PLEKHG4B: variants seen among roughly 807,000 people sequenced by gnomAD.
The protein encoded by PLEKHG4B is pleckstrin homology and RhoGEF domain containing G4B.
Under a neutral mutation model 121.3 loss-of-function variants are expected in PLEKHG4B, and 111 were observed. The observed-to-expected ratio is 0.92, with a 90% CI of 0.78 to 1.07. The LOEUF is 1.07. PLEKHG4B is among the 50% of genes least tolerant of loss of function. The probability of loss-of-function intolerance (pLI) is 0.00; values close to 1 mark genes in which losing one functional copy is unlikely to be tolerated. For synonymous variants in PLEKHG4B, 738 were observed against 725.0 expected (o/e 1.02, Z -0.29); for missense variants, 1,831 against 1,757.8 (o/e 1.04, Z -0.74).
At chr5:133,180 A>G (rs11739858) in intron 2 of PLEKHG4B, among the ~76,000 whole-genome samples, 28,645 of 152,090 alleles carry the variant, frequency 0.19, 3,760 homozygotes, top group African/African-American at 0.37. Flanking sequence ...TTCTTAATTC[A>G]ATTCTCAGCT....
chr5:138,552 T>C (rs1735052447), intron 2 of PLEKHG4B, among the ~76,000 whole-genome samples: 1 of 152,232 alleles, frequency 6.6e-6, no homozygotes, highest in Non-Finnish European at 1.5e-5. Context: ...CGCATTTTTA[T>C]TGCCATTCTG....
At chr5:99,586 T>C (rs1733742622) in intron 1 of PLEKHG4B, among the ~76,000 whole-genome samples, 1 of 152,130 alleles carries the variant, frequency 6.6e-6, no homozygotes, top group South Asian at 2.1e-4. Context: ...TGTGTGTTGT[T>C]CTTGTACCCT....
chr5:98,199 G>C lies in PLEKHG4B; in HGVS notation c.45+5923G>C, dbSNP rs372919712. The stretch of plus-strand genomic sequence containing the variant: ...TTTATGGTTTTAGGTCTTGTGTTTA[G>C]GTTGCTGATCCATTTTTAGTTAACT... On this transcript the variant is annotated intron_variant, in intron 1 of 19. Transcript: ENST00000637938. Among the ~76,000 whole-genome samples the C allele has an allele frequency of 2.6e-5, 4 of 152,148 alleles. No homozygotes were observed. The East Asian group carries it at 7.7e-4, about 29-fold the overall frequency.
chr5:173,883 C>T (rs776972722), intron 17 of PLEKHG4B, 35 bp from the exon 18 acceptor site: 4 of 1,602,018 alleles, frequency 2.5e-6, no homozygotes, highest in Non-Finnish European at 3.4e-6. Context: ...GACCATGTTC[C>T]TGATGGTGCT....
At chr5:158,339 G>T (rs1735866614) in intron 11 of PLEKHG4B, among the ~76,000 whole-genome samples, 1 of 129,186 alleles carries the variant, frequency 7.7e-6, no homozygotes, top group Non-Finnish European at 1.6e-5. Context: ...CATCCTGGGG[G>T]TCTCCTCCAT....
At position 155,086 on chromosome 5, in the gene PLEKHG4B, TC is replaced by T. The variant is rs145569170; in HGVS notation, c.2109+98del. On this transcript the variant is annotated intron_variant, in intron 8 of 19. Transcript: ENST00000637938. ...CTAGAATTTGAAAAGGGCATCACCG[TC>T]CCTGATCTGATGCTTGTTACAGTCG... 4 of 1,071,650 alleles carry T rather than the reference TC, an allele frequency of 3.7e-6. No homozygotes were observed. The African/African-American group carries it at 4.7e-5, about 12-fold the overall frequency. The allele number at this position is 1,071,650 out of a possible 1,614,324, so 66.4% of individuals were successfully genotyped here. A position where few individuals can be genotyped will look rare whatever the true frequency, so the allele number is the denominator to read the frequency against.
At chr5:154,075 G>A (rs1219360646) in intron 7 of PLEKHG4B, among the ~76,000 whole-genome samples, 2 of 151,680 alleles carry the variant, frequency 1.3e-5, no homozygotes, top group African/African-American at 4.8e-5. Context: ...GCATGATCTC[G>A]GCCCACAGCA....
In PLEKHG4B at chr5:183,272, T is replaced by A. The variant is rs1733483614; in HGVS notation, c.*949T>A. On this transcript the variant is annotated 3_prime_UTR_variant, in exon 20 of 20. Coordinates refer to ENST00000637938, the MANE Select transcript of PLEKHG4B (RefSeq NM_052909.5). The stretch of plus-strand genomic sequence containing the variant: ...AACAAAGCTCCAGATGATCTAGGGG[T>A]TACCAAAGTGTCCACACCCTGCAAG... 1 of 152,052 alleles carries A rather than the reference T, an allele frequency of 6.6e-6. No individual in the cohort carries two copies. The highest frequency in any genetic ancestry group is 2.4e-5 in the African/African-American group (1 of 41,370). The allele number at this position is 152,052 out of a possible 1,614,324, so 9.4% of individuals were successfully genotyped here.
In PLEKHG4B at chr5:164,455, T is replaced by TCA. The variant is rs200485537; in HGVS notation, c.3476+910_3476+911dup. Among the ~76,000 whole-genome samples, 969 of 122,992 alleles carry TCA rather than the reference T, an allele frequency of 7.9e-3. 10 individuals are homozygous for TCA. The highest frequency in any genetic ancestry group is 0.042 in the African/African-American group (925 of 22,058). 80.7% of individuals were successfully genotyped at this position (122,992 alleles called of 152,430 possible). ...GTAATGCTGTGACAGGGGGCGGGGC[T>TCA]CACAGTAATGTTGTGACGGAGCAGA... On this transcript the variant is annotated intron_variant, in intron 13 of 19. Transcript: ENST00000637938.
intron 1 of PLEKHG4B, among the ~76,000 whole-genome samples, chr5:109,163 C>T (rs938938724): frequency 3.9e-5 from 6 of 152,128 alleles, no homozygotes; most frequent in African/African-American, 4.8e-5. Flanking sequence ...TTGCTTTTTG[C>T]AGGGAAATCA....
chr5:142,793 G>A (rs975222288), intron 3 of PLEKHG4B, among the ~76,000 whole-genome samples: 7 of 152,236 alleles, frequency 4.6e-5, no homozygotes, highest in South Asian at 2.1e-4. Context: ...CTCCTGAGGC[G>A]TCTGCAGGTA....
At chr5:163,673 C>A (rs1443767682) in intron 13 of PLEKHG4B, 125 bp downstream of exon 13, 1 of 819,400 alleles carries the variant, frequency 1.2e-6, no homozygotes, top group Non-Finnish European at 1.9e-6. Flanking sequence ...CCTCTGGGTC[C>A]ACCTGTCCGG....
At chr5:133,517 C>T (rs1383906317) in intron 2 of PLEKHG4B, among the ~76,000 whole-genome samples, 1 of 151,926 alleles carries the variant, frequency 6.6e-6, no homozygotes, top group Non-Finnish European at 1.5e-5. Context: ...AGATGACCAA[C>T]AAATATATGA....
Position 113,497 on chromosome 5 carries a change from C to A in PLEKHG4B, c.243+49C>A. ...GAGACCGTGGCCAACCTGGAGGAAC[C>A]TGCCCTTTCCCTGGGCAGGGCAGGA... On this transcript the variant is annotated intron_variant, in intron 2 of 19. Coordinates refer to ENST00000637938, the MANE Select transcript of PLEKHG4B (RefSeq NM_052909.5). The surrounding 1 kb of genome is among the most constrained non-coding windows in gnomAD (Gnocchi z 5.2). The A allele has an allele frequency of 2.5e-6, 1 of 398,982 alleles. No individual in the cohort carries two copies. Among genetic ancestry groups the A allele is most frequent in the South Asian group, 1.3e-4 (1 of 7,808 alleles). The allele number at this position is 398,982 out of a possible 1,614,324, so 24.7% of individuals were successfully genotyped here.
chr5:182,418 C>A lies in PLEKHG4B; in HGVS notation c.*95C>A, dbSNP rs1298705489. 4 of 1,318,744 alleles carry A rather than the reference C, an allele frequency of 3.0e-6. No individual in the cohort carries two copies. The Admixed American group carries it at 8.8e-5, about 29-fold the overall frequency. 81.7% of individuals were successfully genotyped at this position (1,318,744 alleles called of 1,614,324 possible). On this transcript the variant is annotated 3_prime_UTR_variant, in exon 20 of 20. Transcript: ENST00000637938. ...TGACTCTGGGGGTGGCGGTGCCCAT[C>A]GCGTGGCTGGAACGATCCAGAGGGA...
At chr5:122,405 A>T (rs1252689705) in intron 2 of PLEKHG4B, among the ~76,000 whole-genome samples, 3 of 142,034 alleles carry the variant, frequency 2.1e-5, no homozygotes, top group South Asian at 2.1e-4. Context: ...CTTTATTTTT[A>T]TTTATTTATT....
chr5:150,447 C>T (rs963813418), intron 6 of PLEKHG4B, among the ~76,000 whole-genome samples: 42 of 152,134 alleles, frequency 2.8e-4, no homozygotes, highest in South Asian at 8.3e-4. Context: ...GGTTGCACTA[C>T]GTTATGAATG....
chr5:105,020 G>A (rs1560896771), intron 1 of PLEKHG4B, among the ~76,000 whole-genome samples: 1 of 151,624 alleles, frequency 6.6e-6, no homozygotes, highest in Admixed American at 6.6e-5. Flanking sequence ...TCTGGTTCTG[G>A]TGTTCCCATC....
chr5:140,408 C>A lies in PLEKHG4B; in HGVS notation c.1169C>A (p.Thr390Asn). ...ACTGGAGCCAGCAGGGACCTGGGGA[C>A]TGGGGCAGTAGCCAGTGGGACCCAG... ...SLTGASRDLG[T>N]GAVASGTQEE... The change falls in exon 3 of 20, where the codon ACT becomes AAT. Residue 390 changes from threonine to asparagine, a missense_variant. Thr to Asn is a moderately conservative substitution (Grantham distance 65). Transcript: ENST00000637938. 6.4e-7 allele frequency: 1 copy of A among 1,555,138 alleles called. No individual in the cohort carries two copies. Among genetic ancestry groups the A allele is most frequent in the Non-Finnish European group, 8.7e-7 (1 of 1,150,300 alleles).
Sources: allele counts gnomAD v4.1 joint callset (sites outside exome capture counted in the v4.1 genomes callset), GRCh38; gene constraint gnomAD v4.1.1; non-coding constraint Gnocchi (gnomAD v3.1); transcripts MANE v1.5; gene names NCBI Gene and HGNC (gene_info 2026-07-23, HGNC 2026-07-21).